The following PTCD3 variants were observed in gnomAD, a reference collection of about 807,000 sequenced individuals.
PTCD3 encodes pentatricopeptide repeat domain 3, also known as small ribosomal subunit protein mS39.
PTCD3 carries 89 observed loss-of-function variants against 101.9 expected under a neutral mutation model. The ratio of observed to expected loss-of-function variants is 0.87; its 90% confidence interval spans 0.74 to 1.04. PTCD3 has a LOEUF of 1.04. Among genes scored for constraint, PTCD3 ranks in the 50% least tolerant of loss-of-function variants. The probability of loss-of-function intolerance (pLI) is 0.00; values close to 1 mark genes in which losing one functional copy is unlikely to be tolerated. For synonymous variants in PTCD3, 296 were observed against 278.5 expected (o/e 1.06, Z -0.63); for missense variants, 870 against 828.2 (o/e 1.05, Z -0.62).
At chr2:86,119,856 G>A (rs1036915418) in intron 7 of PTCD3, among the ~76,000 whole-genome samples, 3 of 152,298 alleles carry the variant, frequency 2.0e-5, no homozygotes, top group Middle Eastern at 6.8e-3. Context: ...CTGAATTGGA[G>A]CTGGATGTAA....
rs531794086 is a variant in PTCD3, at chr2:86,118,840, T to A, written c.415-81T>A. 76 of 1,455,196 alleles carry A rather than the reference T, an allele frequency of 5.2e-5. No individual in the cohort carries two copies. The African/African-American group carries it at 9.8e-4, about 19-fold the overall frequency. The allele number at this position is 1,455,196 out of a possible 1,614,324, so 90.1% of individuals were successfully genotyped here. A position where few individuals can be genotyped will look rare whatever the true frequency, so the allele number is the denominator to read the frequency against. ...GTGAAGTTTTACTTTGGTATGTTGG[T>A]GATAAAAGTTTTGTCCTACTCAGTT... On this transcript the variant is annotated intron_variant, in intron 6 of 23. Coordinates refer to ENST00000254630, the MANE Select transcript of PTCD3 (RefSeq NM_017952.6).
Position 86,116,564 on chromosome 2 carries a change from A to T in PTCD3, c.275A>T (p.Asp92Val). ...GCTGTGCCTTATGTGTTTCAAGATG[A>T]TCCTTACCTTATGCCAGCATCATCT... ...TTAVPYVFQD[D>V]PYLMPASSLE... The change falls in exon 5 of 24, where the codon GAT becomes GTT. Residue 92 changes from aspartate (D) to valine (V), a missense_variant. Physicochemically the swap from Asp to Val is radical, Grantham distance 152 (BLOSUM62 -3). Coordinates refer to ENST00000254630, the MANE Select transcript of PTCD3 (RefSeq NM_017952.6). The T allele has an allele frequency of 6.2e-7, 1 of 1,610,800 alleles. No homozygotes were observed.
At position 86,142,050 on chromosome 2, in the gene PTCD3, G is replaced by A. The variant is rs894918714; in HGVS notation, c.*4491G>A. On this transcript the variant is annotated 3_prime_UTR_variant, in exon 24 of 24. Coordinates refer to ENST00000254630, the MANE Select transcript of PTCD3 (RefSeq NM_017952.6). Reference sequence around the variant, plus strand: ...TCGGTATCATCTTTGTTCCTAATAAGCAATCAAGGGGGGTGGGTGTGTTGG... The same window carrying A: ...TCGGTATCATCTTTGTTCCTAATAAACAATCAAGGGGGGTGGGTGTGTTGG... The A allele has an allele frequency of 1.7e-5, 1 of 59,008 alleles. No individual in the cohort carries two copies. Among genetic ancestry groups the A allele is most frequent in the East Asian group, 4.5e-4 (1 of 2,228 alleles). 3.7% of individuals were successfully genotyped at this position (59,008 alleles called of 1,614,324 possible).
chr2:86,126,781 G>A (rs555427985), intron 12 of PTCD3, among the ~76,000 whole-genome samples: 179 of 151,072 alleles, frequency 1.2e-3, no homozygotes, highest in Non-Finnish European at 1.9e-3. Context: ...AGGTTGCAGT[G>A]AGCCAAGATC....
chr2:86,120,919 TATAAG>T (rs1558796299), intron 7 of PTCD3, among the ~76,000 whole-genome samples: 1 of 152,192 alleles, frequency 6.6e-6, no homozygotes. Context: ...TTACTTTTCT[TATAAG>T]ATAGCAGATT....
At chr2:86,123,637 G>A in intron 8 of PTCD3, 64 bp from the exon 9 acceptor site, 1 of 1,261,370 alleles carries the variant, frequency 7.9e-7, no homozygotes. Context: ...ATTTTGAGTA[G>A]TCTGACTGGG....
intron 17 of PTCD3, 199 bp downstream of exon 17, chr2:86,132,623 T>C (rs1223600440): frequency 9.6e-5 from 1 of 10,370 alleles, no homozygotes; most frequent in African/African-American, 1.4e-4. Context: ...CCTTTAAGGG[T>C]TTTTTTTTTT....
At chr2:86,130,267 T>G (rs955875565) in intron 14 of PTCD3, among the ~76,000 whole-genome samples, 2 of 152,062 alleles carry the variant, frequency 1.3e-5, no homozygotes, top group Non-Finnish European at 2.9e-5. Flanking sequence ...GCCATCGCAC[T>G]CCAGCCAGGG....
Position 86,134,715 on chromosome 2 carries a change from A to G in PTCD3, c.1630-124A>G. On this transcript the variant is annotated intron_variant, in intron 20 of 23. Transcript: ENST00000254630. ...TTTTTTATTAAATTACTTGTGTGCT[A>G]TACACATAATATATTCAAATGGTAA... 3 of 1,108,940 alleles carry G rather than the reference A, an allele frequency of 2.7e-6. No individual in the cohort carries two copies. In the East Asian group the frequency reaches 7.1e-5, roughly 26 times the overall value. The allele number at this position is 1,108,940 out of a possible 1,614,324, so 68.7% of individuals were successfully genotyped here.
At chr2:86,109,745 A>G (rs1383840477) in intron 3 of PTCD3, among the ~76,000 whole-genome samples, 1 of 152,238 alleles carries the variant, frequency 6.6e-6, no homozygotes, top group Non-Finnish European at 1.5e-5. Context: ...GGGAATAGTA[A>G]CAGGTTGAAA....
chr2:86,113,578 G>T (rs781193865), intron 4 of PTCD3, among the ~76,000 whole-genome samples: 1 of 152,140 alleles, frequency 6.6e-6, no homozygotes, highest in Non-Finnish European at 1.5e-5. Context: ...GGTCAAGGCG[G>T]GTGGATCCTG....
Position 86,133,168 on chromosome 2 carries a change from T to G in PTCD3, c.1374-10T>G. On this transcript the variant is annotated splice_polypyrimidine_tract_variant and intron_variant, in intron 17 of 23. Coordinates refer to ENST00000254630, the MANE Select transcript of PTCD3 (RefSeq NM_017952.6). The stretch of plus-strand genomic sequence containing the variant: ...CTTTAGACTAAACATACTTTTTGCC[T>G]TCATCACAGTTCCAAGTTCTTCGAT... The G allele has an allele frequency of 6.2e-7, 1 of 1,612,474 alleles. No individual in the cohort carries two copies. Among genetic ancestry groups the G allele is most frequent in the Non-Finnish European group, 8.5e-7 (1 of 1,179,504 alleles).
chr2:86,115,748 G>T (rs187697246), intron 4 of PTCD3, among the ~76,000 whole-genome samples: 1 of 152,316 alleles, frequency 6.6e-6, no homozygotes, highest in African/African-American at 2.4e-5. Context: ...GCCCCTGGTG[G>T]TATTGGAGAG....
At chr2:86,130,793 C>G (rs1674482423) in intron 15 of PTCD3, 56 bp downstream of exon 15, 18 of 1,598,188 alleles carry the variant, frequency 1.1e-5, no homozygotes, top group Non-Finnish European at 1.5e-5. Flanking sequence ...GCCGGTTTAC[C>G]TGAGTACCAG....
chr2:86,127,770 T>C, intron 13 of PTCD3, 171 bp from the exon 14 acceptor site: 1 of 610,942 alleles, frequency 1.6e-6, no homozygotes, highest in South Asian at 2.1e-5. Flanking sequence ...GATAGTTTTT[T>C]ACCTTTACAT....
At chr2:86,127,610 T>A in intron 13 of PTCD3, 1 of 466,024 alleles carries the variant, frequency 2.1e-6, no homozygotes, top group Non-Finnish European at 3.8e-6. Context: ...TATTTGAACC[T>A]AAGTGTGTGC....
chr2:86,111,876 C>T (rs1674091576), intron 4 of PTCD3: 2 of 152,406 alleles, frequency 1.3e-5, no homozygotes, highest in African/African-American at 4.8e-5. Flanking sequence ...TCCTGAGTAG[C>T]TGGGATTACA....
rs1396018627 is a variant in PTCD3, at chr2:86,141,165, A to G, written c.*3606A>G. 4 of 152,178 alleles carry G rather than the reference A, an allele frequency of 2.6e-5. No individual in the cohort carries two copies. The highest frequency in any genetic ancestry group is 9.7e-5 in the African/African-American group (4 of 41,428). 9.4% of individuals were successfully genotyped at this position (152,178 alleles called of 1,614,324 possible). ...TCACAACCCCTGCAGAAGTCCTTCA[A>G]CAAAACTAATAATAGACTAGTGAAA... On this transcript the variant is annotated 3_prime_UTR_variant, in exon 24 of 24. Transcript: ENST00000254630.
Position 86,138,350 on chromosome 2 carries a change from C to T in PTCD3, c.*791C>T, listed in dbSNP as rs1674630126. The T allele has an allele frequency of 6.6e-6, 1 of 152,130 alleles. No individual in the cohort carries two copies. The highest frequency in any genetic ancestry group is 2.4e-5 in the African/African-American group (1 of 41,414). The allele number at this position is 152,130 out of a possible 1,614,324, so 9.4% of individuals were successfully genotyped here. A position where few individuals can be genotyped will look rare whatever the true frequency, so the allele number is the denominator to read the frequency against. On this transcript the variant is annotated 3_prime_UTR_variant, in exon 24 of 24. Coordinates refer to ENST00000254630, the MANE Select transcript of PTCD3 (RefSeq NM_017952.6). ...TTGGTAACGACTACTTCTAGCAGCT[C>T]TTACCACTATGACTTAAGTGGTCCT...
Sources: allele counts gnomAD v4.1 joint callset (sites outside exome capture counted in the v4.1 genomes callset), GRCh38; gene constraint gnomAD v4.1.1; transcripts MANE v1.5; gene names NCBI Gene and HGNC (gene_info 2026-07-23, HGNC 2026-07-21).